The following PRPF39 variants were observed in gnomAD, a reference collection of about 807,000 sequenced individuals.
The protein encoded by PRPF39 is pre-mRNA-processing factor 39.
In PRPF39, 27 loss-of-function variants were observed where a neutral mutation model predicts 82.1. That is an observed-to-expected ratio of 0.33 (90% CI 0.24 to 0.45). The LOEUF is 0.45. Among genes scored for constraint, PRPF39 ranks in the 20% least tolerant of loss-of-function variants. The pLI is 1.00. For missense variants in PRPF39, 581 were observed against 796.9 expected (o/e 0.73, Z 3.26); for synonymous variants, 261 against 256.4 (o/e 1.02, Z -0.17).
intron 5 of PRPF39, among the ~76,000 whole-genome samples, chr14:45,106,206 G>T (rs1884527595): frequency 6.6e-6 from 1 of 152,014 alleles, no homozygotes; most frequent in Non-Finnish European, 1.5e-5. Context: ...AAAATTAGCT[G>T]GGCGTGGTGG....
intron 6 of PRPF39, among the ~76,000 whole-genome samples, chr14:45,108,133 C>G (rs903219839): frequency 6.6e-6 from 1 of 151,756 alleles, no homozygotes; most frequent in Non-Finnish European, 1.5e-5. Context: ...CTACAAGACA[C>G]CCCAAAAAAA....
chr14:45,085,316 C>T (rs1380687740), intron 1 of PRPF39, among the ~76,000 whole-genome samples: 3 of 152,102 alleles, frequency 2.0e-5, no homozygotes, highest in Non-Finnish European at 4.4e-5. Flanking sequence ...AGGACTAGTA[C>T]TTAGATTGTG....
At position 45,095,434 on chromosome 14, in the gene PRPF39, C is replaced by T; in HGVS notation, c.195C>T (p.Asp65=). 6.2e-7 allele frequency: 1 copy of T among 1,613,982 alleles called. No individual in the cohort carries two copies. Among genetic ancestry groups the T allele is most frequent in the Non-Finnish European group, 8.5e-7 (1 of 1,179,886 alleles). Residue 65 remains aspartate, a synonymous_variant, in exon 2 of 14, where the codon GAC becomes GAT. Coordinates refer to ENST00000355765, the MANE Select transcript of PRPF39 (RefSeq NM_017922.4). The part of the protein sequence containing the change: ...TEETEMASAV[D]LPVTLTETEA... ...AAACTGAAATGGCAAGTGCTGTGGACCTTCCAGTGACGCTGACAGAAACAG... is the reference window on the plus strand; with the variant it reads ...AAACTGAAATGGCAAGTGCTGTGGATCTTCCAGTGACGCTGACAGAAACAG...
chr14:45,093,689 G>A (rs1884111453), intron 1 of PRPF39, among the ~76,000 whole-genome samples: 2 of 151,946 alleles, frequency 1.3e-5, no homozygotes, highest in South Asian at 2.1e-4. Flanking sequence ...CTGAGTAGCT[G>A]GGATTACAGG....
intron 3 of PRPF39, 196 bp from the exon 4 acceptor site, chr14:45,096,691 T>A (rs557567028): frequency 1.3e-6 from 2 of 1,518,690 alleles, no homozygotes; most frequent in Admixed American, 4.0e-5. Flanking sequence ...CTGCTGCGCT[T>A]TGAAGATCAA....
chr14:45,112,834 T>C (rs1566699984), intron 11 of PRPF39, among the ~76,000 whole-genome samples: 3 of 152,176 alleles, frequency 2.0e-5, no homozygotes, highest in Non-Finnish European at 4.4e-5. Flanking sequence ...AAATATTTAA[T>C]ATATAGGTCA....
At chr14:45,098,398 G>A (rs1471805176) in intron 4 of PRPF39, among the ~76,000 whole-genome samples, 9 of 149,730 alleles carry the variant, frequency 6.0e-5, no homozygotes, top group Admixed American at 6.0e-4. Context: ...AGCCAAGATC[G>A]ATCGTGCCAC....
intron 5 of PRPF39, among the ~76,000 whole-genome samples, chr14:45,104,451 A>T (rs924570102): frequency 2.0e-5 from 3 of 151,934 alleles, no homozygotes; most frequent in African/African-American, 7.3e-5. Flanking sequence ...TCCATAACAC[A>T]TGCCTCTTTC....
At chr14:45,100,140 G>A (rs1366226639) in intron 4 of PRPF39, among the ~76,000 whole-genome samples, 1 of 152,184 alleles carries the variant, frequency 6.6e-6, no homozygotes, top group African/African-American at 2.4e-5. Flanking sequence ...TGAGGTAGGA[G>A]AATTGCTTGA....
intron 5 of PRPF39, 134 bp from the exon 6 acceptor site, chr14:45,107,317 A>C (rs1197547275): frequency 3.1e-6 from 2 of 654,194 alleles, no homozygotes; most frequent in African/African-American, 3.7e-5. Flanking sequence ...ACTATAGAAA[A>C]GAAGGAGAAA....
intron 4 of PRPF39, 103 bp downstream of exon 4, chr14:45,097,108 T>C: frequency 7.2e-7 from 1 of 1,393,442 alleles, no homozygotes; most frequent in Non-Finnish European, 9.4e-7. Flanking sequence ...TAACTTCTAT[T>C]CCATTGTTAA....
intron 4 of PRPF39, among the ~76,000 whole-genome samples, chr14:45,098,334 T>C (rs1884264164): frequency 6.6e-6 from 1 of 151,826 alleles, no homozygotes; most frequent in Admixed American, 6.6e-5. Context: ...TTCTAGCTAC[T>C]CGGGAGGCTG....
chr14:45,107,267 T>G (rs1036406431), intron 5 of PRPF39, among the ~76,000 whole-genome samples, 184 bp from the exon 6 acceptor site: 4 of 152,200 alleles, frequency 2.6e-5, no homozygotes, highest in Non-Finnish European at 5.9e-5. Context: ...ATAGACTGTT[T>G]TATCATATGG....
chr14:45,094,042 T>C (rs1319074912), intron 1 of PRPF39, among the ~76,000 whole-genome samples: 2 of 152,216 alleles, frequency 1.3e-5, no homozygotes, highest in African/African-American at 4.8e-5. Flanking sequence ...TTTTTATGTT[T>C]ATTGGTCATT....
intron 1 of PRPF39, among the ~76,000 whole-genome samples, chr14:45,086,080 A>T (rs1883819725): frequency 6.6e-6 from 1 of 152,070 alleles, no homozygotes; most frequent in Admixed American, 6.6e-5. Flanking sequence ...AGTAGCTGGG[A>T]TTACAGATGC....
intron 8 of PRPF39, 144 bp downstream of exon 8, chr14:45,109,924 G>A: frequency 6.6e-7 from 1 of 1,519,794 alleles, no homozygotes; most frequent in Non-Finnish European, 8.8e-7. Flanking sequence ...AGATTTGACT[G>A]CTGCATATGC....
intron 4 of PRPF39, among the ~76,000 whole-genome samples, chr14:45,098,525 T>A (rs1884272911): frequency 6.6e-6 from 1 of 152,166 alleles, no homozygotes; most frequent in African/African-American, 2.4e-5. Flanking sequence ...TTATAACCTT[T>A]TTGGTTTTTA....
intron 1 of PRPF39, among the ~76,000 whole-genome samples, chr14:45,088,650 G>T (rs1324299526): frequency 6.6e-6 from 1 of 152,094 alleles, no homozygotes; most frequent in Non-Finnish European, 1.5e-5. Flanking sequence ...ATCTTTAAAA[G>T]GGAAAGTAGC....
intron 10 of PRPF39, among the ~76,000 whole-genome samples, chr14:45,111,612 G>T (rs1255166725): frequency 7.1e-6 from 1 of 141,308 alleles, no homozygotes; most frequent in Non-Finnish European, 1.5e-5. Flanking sequence ...GATTACAGGC[G>T]TAAGCCACTG....
Sources: gnomAD v4.1 joint callset for allele counts (sites outside exome capture counted in the v4.1 genomes callset) on GRCh38, gnomAD v4.1.1 for gene constraint, MANE v1.5 for transcripts, NCBI Gene and HGNC (gene_info 2026-07-23, HGNC 2026-07-21) for gene names.